The following FADS6 variants were observed in gnomAD, a reference collection of about 807,000 sequenced individuals.
FADS6 encodes fatty acid desaturase domain family, member 6.
Under a neutral mutation model 31.7 loss-of-function variants are expected in FADS6, and 28 were observed. The ratio of observed to expected loss-of-function variants is 0.88; its 90% CI spans 0.66 to 1.21. The LOEUF (loss-of-function observed/expected upper bound fraction) is 1.21. FADS6 is among the 50% of genes most tolerant of loss of function. The pLI is 0.00. For synonymous variants in FADS6, 191 were observed against 213.1 expected (o/e 0.90, Z 0.90); for missense variants, 494 against 504.2 (o/e 0.98, Z 0.19).
At position 74,881,367 on chromosome 17, in the gene FADS6, C is replaced by A. The variant is rs551282572; in HGVS notation, c.593-112G>T. On this transcript the variant is annotated intron_variant, in intron 3 of 5. Transcript: ENST00000612771. The stretch of plus-strand genomic sequence containing the variant: ...GCCAGGCGTGTTCAATTCATACCCA[C>A]AACAGCCCTGAAAAGCAGGGCACCC... 4.2e-4 allele frequency: 426 copies of A among 1,022,620 alleles called. 2 individuals are homozygous for A. The highest frequency in any genetic ancestry group is 5.5e-4 in the Non-Finnish European group (397 of 724,598). 63.3% of individuals were successfully genotyped at this position (1,022,620 alleles called of 1,614,324 possible).
At chr17:74,888,729 G>T (rs1170929307) in intron 2 of FADS6, among the ~76,000 whole-genome samples, 1 of 152,228 alleles carries the variant, frequency 6.6e-6, no homozygotes, top group Non-Finnish European at 1.5e-5. Context: ...GGCAGGGCCT[G>T]TTCCCTCCCA....
chr17:74,885,916 G>C (rs1291240837), intron 2 of FADS6, among the ~76,000 whole-genome samples: 1 of 152,090 alleles, frequency 6.6e-6, no homozygotes, highest in Non-Finnish European at 1.5e-5. Flanking sequence ...CACTTTAGGT[G>C]GCCAAGGCAG....
rs1483228365 is a variant in FADS6, at chr17:74,891,136, CAG to C, written c.411+1385_411+1386del. On this transcript the variant is annotated intron_variant, in intron 2 of 5. Coordinates refer to ENST00000612771, the MANE Select transcript of FADS6 (RefSeq NM_178128.6). ...GATTTTTTTTTTTTTTTTTTTGAGA[CAG>C]AGTCTTGATCTGTCTCAGCCTCCTG... Among the ~76,000 whole-genome samples, 14 of 115,278 alleles carry C rather than the reference CAG, an allele frequency of 1.2e-4. No individual in the cohort carries two copies. In the East Asian group the frequency reaches 2.6e-3, roughly 22 times the overall value. The allele number at this position is 115,278 out of a possible 152,430, so 75.6% of individuals were successfully genotyped here.
intron 2 of FADS6, among the ~76,000 whole-genome samples, chr17:74,888,536 G>A (rs2038655720): frequency 6.6e-6 from 1 of 152,140 alleles, no homozygotes; most frequent in South Asian, 2.1e-4. Flanking sequence ...TCACGACTTA[G>A]GCGGGGGTTC....
intron 2 of FADS6, among the ~76,000 whole-genome samples, chr17:74,883,575 G>A (rs569131670): frequency 1.9e-4 from 29 of 152,314 alleles, no homozygotes; most frequent in African/African-American, 7.0e-4. Context: ...CCCTTCACTC[G>A]CACACTTCCT....
intron 2 of FADS6, chr17:74,882,993 C>T (rs1785834939): frequency 4.7e-6 from 3 of 631,978 alleles, no homozygotes. Flanking sequence ...CCAGTGACTG[C>T]CCAGGCAATG....
rs776641112 is a variant in FADS6, at chr17:74,893,625, C to G, written c.-30G>C. On this transcript the variant is annotated 5_prime_UTR_variant, in exon 1 of 6. Coordinates refer to ENST00000612771, the MANE Select transcript of FADS6 (RefSeq NM_178128.6). Reference sequence around the variant, plus strand: ...TCTGTGGGCTCGGGCCCGACGCGCACGGAGGACTGGAGGACTGGGGCGTGT... The same window carrying G: ...TCTGTGGGCTCGGGCCCGACGCGCAGGGAGGACTGGAGGACTGGGGCGTGT... The G allele has an allele frequency of 7.7e-7, 1 of 1,293,050 alleles. No individual in the cohort carries two copies. Among genetic ancestry groups the G allele is most frequent in the South Asian group, 2.5e-5 (1 of 40,018 alleles). 80.1% of individuals were successfully genotyped at this position (1,293,050 alleles called of 1,614,324 possible).
Position 74,878,245 on chromosome 17 carries a change from C to A in FADS6, c.*86G>T. 6.7e-7 allele frequency: 1 copy of A among 1,487,804 alleles called. No individual in the cohort carries two copies. The highest frequency in any genetic ancestry group is 1.4e-5 in the South Asian group (1 of 74,044). The allele number at this position is 1,487,804 out of a possible 1,614,324, so 92.2% of individuals were successfully genotyped here. A position where few individuals can be genotyped will look rare whatever the true frequency, so the allele number is the denominator to read the frequency against. On this transcript the variant is annotated 3_prime_UTR_variant, in exon 6 of 6. Coordinates refer to ENST00000612771, the MANE Select transcript of FADS6 (RefSeq NM_178128.6). The stretch of plus-strand genomic sequence containing the variant: ...CACTCTCCAGGTCCACCACCAGCCA[C>A]TGAGCCACACCCCCTGGACCAGCAG...
At chr17:74,888,697 G>C (rs2038657494) in intron 2 of FADS6, among the ~76,000 whole-genome samples, 1 of 152,228 alleles carries the variant, frequency 6.6e-6, no homozygotes, top group African/African-American at 2.4e-5. Context: ...ATTTGAAGCG[G>C]AGACACCAGA....
intron 2 of FADS6, among the ~76,000 whole-genome samples, chr17:74,892,213 T>C (rs2038696495): frequency 6.6e-6 from 1 of 152,168 alleles, no homozygotes; most frequent in Admixed American, 6.5e-5. Flanking sequence ...TCCCTTTCTG[T>C]CTGTGGGTCA....
downstream of FADS6, among the ~76,000 whole-genome samples, chr17:74,876,700 A>G (rs147131436): frequency 0.011 from 1,608 of 152,154 alleles, 37 homozygotes; most frequent in African/African-American, 0.036. Flanking sequence ...GGGAGGCTGA[A>G]GCAGGAGAAT....
At chr17:74,875,827 C>G (rs1465936125), downstream of FADS6, among the ~76,000 whole-genome samples, 1 of 152,200 alleles carries the variant, frequency 6.6e-6, no homozygotes, top group Non-Finnish European at 1.5e-5. Context: ...AGAGGGCTGC[C>G]TGGATCCAAA....
intron 1 of FADS6, 64 bp downstream of exon 1, chr17:74,893,288 A>G: frequency 1.4e-6 from 2 of 1,439,552 alleles, no homozygotes; most frequent in Non-Finnish European, 1.8e-6. Context: ...CCGCGCCGCC[A>G]CCTCCGCCGC....
Position 74,882,626 on chromosome 17 carries a change from C to G in FADS6, c.496G>C (p.Asp166His). ...CAAGGCAGCCTCCACGTGCTGGAGT[C>G]CCCCAGGCCCACCACGTTGGTGTAG... is the stretch of plus-strand genomic sequence containing the variant. ...HAYTNVVGLG[D>H]SSTWRLPCLN... The change falls in exon 3 of 6, where the codon GAC (aspartate) becomes CAC (histidine). Residue 166 changes from aspartate (D) to histidine (H), a missense_variant. This residue lies in a region of FADS6 where 454 missense variants were observed against 438.5 expected (regional missense o/e 1.04). Coordinates refer to ENST00000612771, the MANE Select transcript of FADS6 (RefSeq NM_178128.6). 3.1e-6 allele frequency: 5 copies of G among 1,611,418 alleles called. No homozygotes were observed. The highest frequency in any genetic ancestry group is 4.2e-6 in the Non-Finnish European group (5 of 1,178,928).
rs117659351 is a variant in FADS6 at position 74,886,904 on chromosome 17, C to T, written c.412-4194G>A. 8.0e-4 allele frequency among the ~76,000 whole-genome samples: 122 copies of T among 152,256 alleles called. 2 individuals carry two copies. In the East Asian group the frequency reaches 0.021, roughly 27 times the overall value. ...GTCCTGATAGCATCTCCCCTGGAAA[C>T]CGTCCCTGGAGTTTCTCAGCCCTGC... On this transcript the variant is annotated intron_variant, in intron 2 of 5. Transcript: ENST00000612771.
At position 74,877,984 on chromosome 17, in the gene FADS6, G is replaced by A. The variant is rs933521913; in HGVS notation, c.*347C>T. The A allele has an allele frequency of 7.7e-6, 8 of 1,038,072 alleles. No homozygotes were observed. In the Admixed American group the frequency reaches 1.7e-4, roughly 21 times the overall value. 64.3% of individuals were successfully genotyped at this position (1,038,072 alleles called of 1,614,324 possible). ...TATCTCCCAGGTGGCCCCTGCACAG[G>A]ATCCCTCTTCACCCTGTCACCTCCC... On this transcript the variant is annotated 3_prime_UTR_variant, in exon 6 of 6. Coordinates refer to ENST00000612771, the MANE Select transcript of FADS6 (RefSeq NM_178128.6).
intron 4 of FADS6, 124 bp from the exon 5 acceptor site, chr17:74,879,707 T>C: frequency 9.9e-7 from 1 of 1,007,634 alleles, no homozygotes; most frequent in Non-Finnish European, 1.4e-6. Flanking sequence ...GGGGACCTGG[T>C]AGAGGGGCTC....
intron 5 of FADS6, 41 bp downstream of exon 5, chr17:74,879,363 A>G (rs1555624382): frequency 1.1e-5 from 18 of 1,599,052 alleles, no homozygotes; most frequent in Non-Finnish European, 1.5e-5. Flanking sequence ...ATCCTCTAAC[A>G]GTCCCTTTAT....
Position 74,877,952 on chromosome 17 carries a change from C to T in FADS6, c.*379G>A. ...GGAGCTGACCCTGTTCTCTCTGTGC[C>T]CCCTGCTATCTCCCAGGTGGCCCCT... On this transcript the variant is annotated 3_prime_UTR_variant, in exon 6 of 6. Coordinates refer to ENST00000612771, the MANE Select transcript of FADS6 (RefSeq NM_178128.6). 1 of 1,007,302 alleles carries T rather than the reference C, an allele frequency of 9.9e-7. No homozygotes were observed. Among genetic ancestry groups the T allele is most frequent in the Non-Finnish European group, 1.2e-6 (1 of 844,638 alleles). The allele number at this position is 1,007,302 out of a possible 1,614,324, so 62.4% of individuals were successfully genotyped here. A position where few individuals can be genotyped will look rare whatever the true frequency, so the allele number is the denominator to read the frequency against.
Sources: allele counts gnomAD v4.1 joint callset (sites outside exome capture counted in the v4.1 genomes callset), GRCh38; gene constraint gnomAD v4.1.1; regional missense constraint gnomAD v4.1.1; transcripts MANE v1.5; gene names NCBI Gene and HGNC (gene_info 2026-07-23, HGNC 2026-07-21).